The following RTTN variants were observed in gnomAD, a reference collection of about 807,000 sequenced individuals.
The protein encoded by RTTN is rotatin.
RTTN carries 182 observed loss-of-function variants against 269.2 expected under a neutral mutation model. The ratio of observed to expected loss-of-function variants is 0.68; its 90% CI spans 0.60 to 0.76. The LOEUF is 0.76. Among genes scored for constraint, RTTN ranks in the 30% least tolerant of loss-of-function variants. The pLI, the probability that RTTN is intolerant of heterozygous loss-of-function variation, is 0.00. For synonymous variants in RTTN, 1,006 were observed against 963.5 expected (o/e 1.04, Z -0.82); for missense variants, 2,545 against 2,608.6 (o/e 0.98, Z 0.53).
In RTTN at chr18:70,052,459, A is replaced by G. The variant is rs182529783; in HGVS notation, c.5186-911T>C. Among the ~76,000 whole-genome samples, 612 of 152,308 alleles carry G rather than the reference A, an allele frequency of 4.0e-3. 6 individuals are homozygous for G. Among genetic ancestry groups the G allele is most frequent in the African/African-American group, 0.014 (576 of 41,576 alleles). On this transcript the variant is annotated intron_variant, in intron 38 of 48. Transcript: ENST00000640769. ...GTATATCTCTTTATGTACTATATGT[A>G]TATCTGTACTTTGTACATAAAAAGG...
chr18:70,123,840 T>C (rs1302398671), intron 25 of RTTN, among the ~76,000 whole-genome samples: 1 of 152,100 alleles, frequency 6.6e-6, no homozygotes, highest in Admixed American at 6.6e-5. Flanking sequence ...CACTGCTATA[T>C]TTCCTACAAG....
intron 28 of RTTN, among the ~76,000 whole-genome samples, chr18:70,094,095 A>T (rs938259799): frequency 2.7e-4 from 11 of 40,910 alleles, no homozygotes; most frequent in Admixed American, 1.2e-3. Flanking sequence ...AGGTGTTTAT[A>T]ACACTCTCTG....
chr18:70,082,259 A>G (rs2058589076), intron 32 of RTTN, among the ~76,000 whole-genome samples: 1 of 152,194 alleles, frequency 6.6e-6, no homozygotes, highest in African/African-American at 2.4e-5. Context: ...AATATTATTA[A>G]AATTATGCAT....
At chr18:70,166,495 T>G (rs1195704144) in intron 13 of RTTN, 2 of 218,492 alleles carry the variant, frequency 9.2e-6, no homozygotes, top group Non-Finnish European at 1.8e-5. Flanking sequence ...AAATAGAAAT[T>G]TGCTGATGTC....
At position 70,193,424 on chromosome 18, in the gene RTTN, A is replaced by T; in HGVS notation, c.871T>A (p.Tyr291Asn). 6.5e-7 allele frequency: 1 copy of T among 1,542,326 alleles called. No homozygotes were observed. Among genetic ancestry groups the T allele is most frequent in the Non-Finnish European group, 8.7e-7 (1 of 1,148,104 alleles). ...TGAGTACCTCTTGCTTCATGACAATAAGACAAAGAAGAATTTTGGGAAACT... is the reference window on the plus strand; with the variant it reads ...TGAGTACCTCTTGCTTCATGACAATTAGACAAAGAAGAATTTTGGGAAACT... ...DTVSQNSSLS[Y>N]CHEARGTHHS... Residue 291 changes from tyrosine (Y) to asparagine (N), a missense_variant, in exon 8 of 49, where the codon TAT becomes AAT. By Grantham distance (143) the Tyr-to-Asn change is moderately radical. Transcript: ENST00000640769.
At chr18:70,163,232 C>T (rs1599853588) in intron 14 of RTTN, among the ~76,000 whole-genome samples, 1 of 151,428 alleles carries the variant, frequency 6.6e-6, no homozygotes, top group Non-Finnish European at 1.5e-5. Flanking sequence ...AAATACAAAA[C>T]TTAGCTGGGC....
chr18:70,014,792 G>GT lies in RTTN; in HGVS notation c.6421+2614dup, dbSNP rs151077888. On this transcript the variant is annotated intron_variant, in intron 46 of 48. Coordinates refer to ENST00000640769, the MANE Select transcript of RTTN (RefSeq NM_173630.4). Reference sequence around the variant, plus strand: ...CAGCTTAATACAAGCAGGATAGCCAGTAAGAATCCCCACTTTGGGGAATCG... The same window carrying GT: ...CAGCTTAATACAAGCAGGATAGCCAGTTAAGAATCCCCACTTTGGGGAATCG... Among the ~76,000 whole-genome samples the GT allele has an allele frequency of 9.7e-3, 1,482 of 152,238 alleles. 15 individuals are homozygous for GT. Among genetic ancestry groups the GT allele is most frequent in the Non-Finnish European group, 0.015 (1,023 of 68,012 alleles).
At chr18:70,109,869 A>G (rs1417924344) in intron 27 of RTTN, 152 bp from the exon 28 acceptor site, 10 of 630,906 alleles carry the variant, frequency 1.6e-5, no homozygotes, top group Non-Finnish European at 2.5e-5. Context: ...TCAAAATGAG[A>G]CTTTTCAAGG....
At chr18:70,191,889 C>T (rs974026077) in intron 8 of RTTN, among the ~76,000 whole-genome samples, 4 of 152,128 alleles carry the variant, frequency 2.6e-5, no homozygotes, top group African/African-American at 9.7e-5. Flanking sequence ...GGAGTGAAAA[C>T]TTAGAAGCAT....
rs764347798 is a variant in RTTN at position 70,017,619 on chromosome 18, T to C, written c.6209A>G (p.His2070Arg). ...CCAAAGAATAGTCAGATTACTTAGA[T>C]GTTTATTTCCTCCTTTTGGCAATGC... ...SLALPKGGNK[H>R]LSNLTILWLK... The change falls in exon 46 of 49, where the codon CAT (histidine) becomes CGT (arginine). Residue 2070 changes from histidine to arginine, a missense_variant. By Grantham distance (29) the His-to-Arg change is conservative. Coordinates refer to ENST00000640769, the MANE Select transcript of RTTN (RefSeq NM_173630.4). The C allele has an allele frequency of 1.1e-5, 17 of 1,613,818 alleles. No individual in the cohort carries two copies. The highest frequency in any genetic ancestry group is 1.4e-5 in the Non-Finnish European group (16 of 1,179,776).
intron 32 of RTTN, among the ~76,000 whole-genome samples, chr18:70,085,352 T>C (rs1414768303): frequency 1.3e-5 from 2 of 152,098 alleles, no homozygotes; most frequent in Admixed American, 6.6e-5. Flanking sequence ...CCTGGGTTTG[T>C]AAAGTTTGGA....
Position 70,049,644 on chromosome 18 carries a change from T to C in RTTN, c.5324-1456A>G, listed in dbSNP as rs533755224. Reference sequence around the variant, plus strand: ...AGGTACTTTGGAAGCTTAAAATAACTCAATTTTGAGTACATTTAAGTAGGT... The same window carrying C: ...AGGTACTTTGGAAGCTTAAAATAACCCAATTTTGAGTACATTTAAGTAGGT... On this transcript the variant is annotated intron_variant, in intron 39 of 48. Coordinates refer to ENST00000640769, the MANE Select transcript of RTTN (RefSeq NM_173630.4). 7.9e-5 allele frequency among the ~76,000 whole-genome samples: 12 copies of C among 152,300 alleles called. No homozygotes were observed. In the South Asian group the frequency reaches 2.5e-3, roughly 32 times the overall value.
In RTTN at chr18:70,086,578, A is replaced by AT. The variant is rs769582810; in HGVS notation, c.4374+34dup. The stretch of plus-strand genomic sequence containing the variant: ...AATTTATCACCAATTAATTTGAAAC[A>AT]TCTACTAGGTTGATAATTGTTTAAA... On this transcript the variant is annotated intron_variant, in intron 32 of 48. Coordinates refer to ENST00000640769, the MANE Select transcript of RTTN (RefSeq NM_173630.4). The AT allele has an allele frequency of 4.2e-6, 6 of 1,434,748 alleles. No individual in the cohort carries two copies. In the East Asian group the frequency reaches 1.4e-4, roughly 33 times the overall value. 88.9% of individuals were successfully genotyped at this position (1,434,748 alleles called of 1,614,324 possible).
chr18:70,118,538 T>C (rs2059655595), intron 26 of RTTN, among the ~76,000 whole-genome samples: 1 of 152,176 alleles, frequency 6.6e-6, no homozygotes, highest in South Asian at 2.1e-4. Context: ...CTAATCTCTG[T>C]ACTCCTAAAA....
intron 40 of RTTN, among the ~76,000 whole-genome samples, chr18:70,041,227 TA>T (rs1418189243): frequency 2.0e-5 from 3 of 150,810 alleles, no homozygotes; most frequent in African/African-American, 7.3e-5. Flanking sequence ...AATAAATAAA[TA>T]AAAATAAAAA....
rs2061729456 is a variant in RTTN, at chr18:70,193,452, G to A, written c.843C>T (p.Asp281=). 2 of 1,503,260 alleles carry A rather than the reference G, an allele frequency of 1.3e-6. No individual in the cohort carries two copies. The highest frequency in any genetic ancestry group is 2.9e-5 in the African/African-American group (2 of 69,144). 93.1% of individuals were successfully genotyped at this position (1,503,260 alleles called of 1,614,324 possible). A position where few individuals can be genotyped will look rare whatever the true frequency, so the allele number is the denominator to read the frequency against. ...ACAAAGAAGAATTTTGGGAAACTGT[G>A]TCTGGGGAAACAAAGAAAAAATAAA... ...RDPGFFSNKH[D]TVSQNSSLSY... is the part of the protein sequence containing the mutation. Residue 281 remains aspartate (D), a splice_region_variant and synonymous_variant, in exon 8 of 49, where the codon GAC becomes GAT. Coordinates refer to ENST00000640769, the MANE Select transcript of RTTN (RefSeq NM_173630.4).
chr18:70,174,174 A>T (rs900786526), intron 11 of RTTN, among the ~76,000 whole-genome samples: 1 of 151,912 alleles, frequency 6.6e-6, no homozygotes, highest in Non-Finnish European at 1.5e-5. Flanking sequence ...GCCTTTACAG[A>T]ATTAATGTTT....
At chr18:70,082,108 G>C (rs1016225033) in intron 32 of RTTN, among the ~76,000 whole-genome samples, 5 of 152,014 alleles carry the variant, frequency 3.3e-5, no homozygotes, top group Admixed American at 6.6e-5. Context: ...CCAATTCAAA[G>C]TCCTGTCACA....
Position 70,121,618 on chromosome 18 carries a change from C to A in RTTN, c.3466G>T (p.Glu1156Ter). The A allele has an allele frequency of 6.3e-7, 1 of 1,580,170 alleles. No individual in the cohort carries two copies. Among genetic ancestry groups the A allele is most frequent in the South Asian group, 1.2e-5 (1 of 84,056 alleles). The part of the protein sequence containing the change: ...IIHFLNKLIK[E>*]QRKNSSLELL... ...TCTAGTGAAGAATTTTTTCTTTGTT[C>A]CTTTATTAATTTATTTAAAAAATGT... The change falls in exon 26 of 49, where the codon GAA becomes TAA. Residue 1156 changes from glutamate to a stop codon, truncating the protein, a stop_gained. Transcript: ENST00000640769. LOFTEE classifies it high-confidence loss of function.
Sources: gnomAD v4.1 joint callset for allele counts (sites outside exome capture counted in the v4.1 genomes callset) on GRCh38, gnomAD v4.1.1 for gene constraint, MANE v1.5 for transcripts, NCBI Gene and HGNC (gene_info 2026-07-23, HGNC 2026-07-21) for gene names.